Variants in ATP13A4 observed in about 807,000 individuals in gnomAD.
ATP13A4 encodes probable cation-transporting ATPase 13A4.
ATP13A4 carries 114 observed loss-of-function variants against 142.5 expected under a neutral mutation model. That is an observed-to-expected ratio of 0.80 (90% CI 0.69 to 0.93). The LOEUF (loss-of-function observed/expected upper bound fraction) is 0.93, where lower values mean the gene tolerates loss of function less well. Ranked by LOEUF, ATP13A4 falls within the 40% of genes least tolerant of loss-of-function variation. ATP13A4 has a pLI of 0.00. For missense variants in ATP13A4, 1,392 were observed against 1,454.0 expected, an observed-to-expected ratio of 0.96 and a Z score of 0.69; for synonymous variants, 488 against 514.8, an observed-to-expected ratio of 0.95 and a Z score of 0.70.
At chr3:193,538,921 T>A (rs2108712256) in intron 1 of ATP13A4, among the ~76,000 whole-genome samples, 1 of 140,978 alleles carries the variant, frequency 7.1e-6, no homozygotes, top group Non-Finnish European at 1.5e-5. Flanking sequence ...TGAGATGGAG[T>A]TTTGGTCTTG....
At chr3:193,510,650 CAG>C (rs1222755881) in intron 2 of ATP13A4, among the ~76,000 whole-genome samples, 1 of 152,058 alleles carries the variant, frequency 6.6e-6, no homozygotes, top group Non-Finnish European at 1.5e-5. Context: ...AAAAATCTCT[CAG>C]AGTCCTTAAT....
At chr3:193,557,395 C>T (rs1266774680), upstream of ATP13A4, among the ~76,000 whole-genome samples, 1 of 152,142 alleles carries the variant, frequency 6.6e-6, no homozygotes, top group African/African-American at 2.4e-5. Flanking sequence ...TGATTTTGGT[C>T]TACAAACATA....
At chr3:193,521,449 T>A (rs910572976) in intron 1 of ATP13A4, among the ~76,000 whole-genome samples, 3 of 152,200 alleles carry the variant, frequency 2.0e-5, no homozygotes, top group Non-Finnish European at 4.4e-5. Flanking sequence ...AAAGGTAGAC[T>A]ATACAAGGAA....
At chr3:193,485,069 C>T (rs778984609) in intron 7 of ATP13A4, among the ~76,000 whole-genome samples, 42 of 150,832 alleles carry the variant, frequency 2.8e-4, no homozygotes, top group Non-Finnish European at 4.6e-4. Flanking sequence ...TTCTGAGGTT[C>T]GAAAAAAAGA....
At chr3:193,527,019 A>G (rs1269947639) in intron 1 of ATP13A4, among the ~76,000 whole-genome samples, 2 of 152,250 alleles carry the variant, frequency 1.3e-5, no homozygotes, top group African/African-American at 2.4e-5. Context: ...CTTGTTGGTC[A>G]TATGAGTCCT....
intron 25 of ATP13A4, chr3:193,418,854 C>A (rs1413250443): frequency 1.3e-5 from 2 of 150,510 alleles, no homozygotes. Flanking sequence ...GGCATGACCC[C>A]CTACCAGCCT....
intron 25 of ATP13A4, among the ~76,000 whole-genome samples, chr3:193,428,431 C>A (rs1173895572): frequency 3.3e-5 from 5 of 152,048 alleles, no homozygotes; most frequent in Non-Finnish European, 7.4e-5. Context: ...CCCAGCCATC[C>A]CATTACTGGG....
At chr3:193,469,661 C>T (rs1043170932) in intron 9 of ATP13A4, among the ~76,000 whole-genome samples, 2 of 152,226 alleles carry the variant, frequency 1.3e-5, no homozygotes, top group East Asian at 1.9e-4. Flanking sequence ...GAGTCCACTG[C>T]GTTTGGCAAT....
intron 7 of ATP13A4, 96 bp from the exon 8 acceptor site, chr3:193,484,101 C>G: frequency 9.6e-7 from 1 of 1,040,758 alleles, no homozygotes. Flanking sequence ...AGAGCACTGT[C>G]TTACTGCCAG....
intron 2 of ATP13A4, among the ~76,000 whole-genome samples, chr3:193,577,721 G>A (rs1053182454): frequency 6.6e-6 from 1 of 152,170 alleles, no homozygotes; most frequent in Non-Finnish European, 1.5e-5. Flanking sequence ...CAAGAGCACA[G>A]TCATTCTGGA....
At chr3:193,556,294 A>C (rs778053565), upstream of ATP13A4, among the ~76,000 whole-genome samples, 1 of 152,288 alleles carries the variant, frequency 6.6e-6, no homozygotes, top group Middle Eastern at 3.4e-3. Flanking sequence ...TCTGTCCCTC[A>C]AGCTACATTG....
intron 1 of ATP13A4, among the ~76,000 whole-genome samples, chr3:193,551,791 C>T (rs909032846): frequency 1.2e-4 from 18 of 152,228 alleles, no homozygotes; most frequent in African/African-American, 4.3e-4. Flanking sequence ...CTGAGGCAGT[C>T]ATTTAGGTGA....
Position 193,483,912 on chromosome 3 carries a change from T to C in ATP13A4, c.808+24A>G, listed in dbSNP as rs768155556. On this transcript the variant is annotated intron_variant, in intron 8 of 29. Transcript: ENST00000342695. ...TTTCTGATTCCATGTGAATAGCATA[T>C]AGATCTAAAATAATGGAACTTACCT... The C allele has an allele frequency of 7.9e-6, 12 of 1,514,094 alleles. No individual in the cohort carries two copies. The African/African-American group carries it at 1.5e-4, about 19-fold the overall frequency. The allele number at this position is 1,514,094 out of a possible 1,614,324, so 93.8% of individuals were successfully genotyped here. A position where few individuals can be genotyped will look rare whatever the true frequency, so the allele number is the denominator to read the frequency against.
At chr3:193,576,249 CTTTTTTTTTTTTTTTTTTTTTTTT>C (rs59910562) in intron 2 of ATP13A4, among the ~76,000 whole-genome samples, 1 of 54,364 alleles carries the variant, frequency 1.8e-5, no homozygotes, top group Non-Finnish European at 3.3e-5. Context: ...TTGAATCAAT[CTTTTTTTTTTTTTTTTTTTTTTTT>C]TTTTTTTTTG....
intron 25 of ATP13A4, among the ~76,000 whole-genome samples, chr3:193,418,314 CT>C (rs1239538348): frequency 7.2e-6 from 1 of 139,212 alleles, no homozygotes; most frequent in Admixed American, 7.7e-5. Flanking sequence ...GAGACTCCAT[CT>C]CAAAAAAAAA....
At chr3:193,498,237 T>C (rs1271867021) in intron 3 of ATP13A4, among the ~76,000 whole-genome samples, 3 of 151,704 alleles carry the variant, frequency 2.0e-5, no homozygotes, top group African/African-American at 7.3e-5. Context: ...AAAATCCTGG[T>C]AGCCAGATTA....
rs78463458 is a variant in ATP13A4 at position 193,405,045 on chromosome 3, G to A, written c.3379-2181C>T. Among the ~76,000 whole-genome samples, 249 of 152,284 alleles carry A rather than the reference G, an allele frequency of 1.6e-3. 6 individuals are homozygous for A. In the East Asian group the frequency reaches 0.033, roughly 20 times the overall value. ...ACTGGCATAGTAAGGATAAGGTCCT[G>A]CTCAAACCTGTTTGTTTTCAGGGCT... On this transcript the variant is annotated intron_variant, in intron 29 of 29. Coordinates refer to ENST00000342695, the MANE Select transcript of ATP13A4 (RefSeq NM_032279.4).
chr3:193,514,062 CAA>C (rs1196532725), intron 2 of ATP13A4, among the ~76,000 whole-genome samples: 7 of 152,352 alleles, frequency 4.6e-5, no homozygotes, highest in Admixed American at 3.9e-4. Context: ...TCTTCTTGAT[CAA>C]ACCTCACCAT....
At chr3:193,533,950 C>G (rs77306965) in intron 1 of ATP13A4, among the ~76,000 whole-genome samples, 3,628 of 152,258 alleles carry the variant, frequency 0.024, 49 homozygotes, top group East Asian at 0.033. Flanking sequence ...TCTCTGTGCT[C>G]GAAGGGATGT....
Sources: gnomAD v4.1 joint callset for allele counts (sites outside exome capture counted in the v4.1 genomes callset) on GRCh38, gnomAD v4.1.1 for gene constraint, MANE v1.5 for transcripts, NCBI Gene and HGNC (gene_info 2026-07-23, HGNC 2026-07-21) for gene names.